The following PIAS1 variants were observed in gnomAD, a reference collection of about 807,000 sequenced individuals.
PIAS1 encodes E3 SUMO-protein ligase PIAS1.
In PIAS1, 6 loss-of-function variants were observed where a neutral mutation model predicts 71.3. The observed-to-expected ratio is 0.08, with a 90% confidence interval of 0.05 to 0.17. The LOEUF is 0.17. Among genes scored for constraint, PIAS1 ranks in the 10% least tolerant of loss-of-function variants. The pLI, the probability that PIAS1 is intolerant of heterozygous loss-of-function variation, is 1.00. For synonymous variants in PIAS1, 303 were observed against 292.9 expected, an observed-to-expected ratio of 1.03 and a Z score of -0.35; for missense variants, 555 against 793.6, an observed-to-expected ratio of 0.70 and a Z score of 3.61.
chr15:68,137,106 C>T (rs566353518), intron 2 of PIAS1, among the ~76,000 whole-genome samples: 1 of 152,270 alleles, frequency 6.6e-6, no homozygotes, highest in African/African-American at 2.4e-5. Context: ...TTGAAAAGCA[C>T]TCTTGCGATG....
chr15:68,088,760 G>A (rs1044342377), intron 2 of PIAS1, among the ~76,000 whole-genome samples: 2 of 151,936 alleles, frequency 1.3e-5, no homozygotes, highest in African/African-American at 4.8e-5. Context: ...ATATTTTAAG[G>A]CTCTGTTTTT....
At position 68,171,368 on chromosome 15, in the gene PIAS1, A is replaced by G. The variant is rs140135066; in HGVS notation, c.1009-2364A>G. Among the ~76,000 whole-genome samples, 42 of 152,054 alleles carry G rather than the reference A, an allele frequency of 2.8e-4. 1 individual carries two copies. In the East Asian group the frequency reaches 3.5e-3, roughly 13 times the overall value. On this transcript the variant is annotated intron_variant, in intron 8 of 13. Coordinates refer to ENST00000249636, the MANE Select transcript of PIAS1 (RefSeq NM_016166.3). This position sits in a 1 kb window ranked among gnomAD's most constrained non-coding sequence, Gnocchi z 4.4. ...TAAAATATATATAAGTAAAGGGAGT[A>G]CACTCCAAAATAATGATAAAAAGTA...
At chr15:68,184,790 C>T (rs991692624) in intron 13 of PIAS1, 3 of 153,272 alleles carry the variant, frequency 2.0e-5, no homozygotes, top group Admixed American at 1.3e-4. Flanking sequence ...TGCTAGATTT[C>T]AAGGCTTTTA....
At position 68,176,643 on chromosome 15, in the gene PIAS1, AAAT is replaced by A. The variant is rs1388231803; in HGVS notation, c.1476_1478del (p.Asn492del). 12 of 1,586,306 alleles carry A rather than the reference AAAT, an allele frequency of 7.6e-6. No homozygotes were observed. Among genetic ancestry groups the A allele is most frequent in the East Asian group, 2.3e-5 (1 of 43,936 alleles). ...CTTCCCTATCTCCCACATCACCACT[AAAT>A]AATAAAGGGTAAGTGCTGAGACATT... On this transcript the variant is annotated inframe_deletion, in exon 11 of 14. Coordinates refer to ENST00000249636, the MANE Select transcript of PIAS1 (RefSeq NM_016166.3).
At position 68,097,684 on chromosome 15, in the gene PIAS1, C is replaced by T. The variant is rs557108068; in HGVS notation, c.469+10934C>T. ...CTGAGCTCAGGTGATCTACCTGCCT[C>T]GGCCTCCCAAAGTGCTGGGATTACA... On this transcript the variant is annotated intron_variant, in intron 2 of 13. Transcript: ENST00000249636. Among the ~76,000 whole-genome samples the T allele has an allele frequency of 1.2e-4, 18 of 152,246 alleles. No homozygotes were observed. The South Asian group carries it at 1.9e-3, about 16-fold the overall frequency.
intron 7 of PIAS1, among the ~76,000 whole-genome samples, chr15:68,154,618 G>C (rs531429058): frequency 6.6e-6 from 1 of 152,296 alleles, no homozygotes; most frequent in South Asian, 2.1e-4. Context: ...CTGTGGCAGA[G>C]TAAAAGATCC....
chr15:68,138,620 G>A (rs1446634392), intron 2 of PIAS1, among the ~76,000 whole-genome samples: 7 of 152,178 alleles, frequency 4.6e-5, no homozygotes, highest in Admixed American at 6.5e-5. Context: ...GATTACAGGC[G>A]CATGCCACCA....
At chr15:68,184,360 C>T (rs1036139052) in intron 13 of PIAS1, 1 of 152,108 alleles carries the variant, frequency 6.6e-6, no homozygotes, top group Non-Finnish European at 1.5e-5. Context: ...TTGTTCAAGG[C>T]AACAAGACTA....
At chr15:68,079,671 G>A (rs1359367184) in intron 1 of PIAS1, among the ~76,000 whole-genome samples, 1 of 151,472 alleles carries the variant, frequency 6.6e-6, no homozygotes, top group Non-Finnish European at 1.5e-5. Context: ...TAGAGATGAG[G>A]TATTGCTGTA....
chr15:68,082,374 A>G (rs1005173469), intron 1 of PIAS1, among the ~76,000 whole-genome samples: 3 of 152,150 alleles, frequency 2.0e-5, no homozygotes, highest in South Asian at 2.1e-4. Context: ...TGGAGAGCCT[A>G]CAGTCCAAAT....
chr15:68,133,655 A>C (rs1290847676), intron 2 of PIAS1, among the ~76,000 whole-genome samples: 2 of 152,118 alleles, frequency 1.3e-5, no homozygotes. Flanking sequence ...ACAGTAAGCA[A>C]TTTGGAGTAC....
chr15:68,090,512 A>G (rs1354970150), intron 2 of PIAS1, among the ~76,000 whole-genome samples: 1 of 150,382 alleles, frequency 6.6e-6, no homozygotes, highest in African/African-American at 2.4e-5. Context: ...AAATCCCTAT[A>G]ATAGCTAGAT....
At chr15:68,117,557 C>T (rs981066902) in intron 2 of PIAS1, among the ~76,000 whole-genome samples, 1 of 152,216 alleles carries the variant, frequency 6.6e-6, no homozygotes, top group Non-Finnish European at 1.5e-5. Context: ...CTATTCTATT[C>T]TCTACTTCTG....
At chr15:68,100,424 T>A (rs1448851765) in intron 2 of PIAS1, among the ~76,000 whole-genome samples, 1 of 152,122 alleles carries the variant, frequency 6.6e-6, no homozygotes, top group Non-Finnish European at 1.5e-5. Context: ...CCTCACCCAC[T>A]CTCTCTAGCC....
At chr15:68,127,051 C>G (rs2092655964) in intron 2 of PIAS1, among the ~76,000 whole-genome samples, 1 of 152,098 alleles carries the variant, frequency 6.6e-6, no homozygotes, top group African/African-American at 2.4e-5. Flanking sequence ...CTGCCTCAGG[C>G]TCCCGAGTAG....
intron 7 of PIAS1, among the ~76,000 whole-genome samples, chr15:68,159,645 G>A (rs2092911801): frequency 6.6e-6 from 1 of 152,010 alleles, no homozygotes. Flanking sequence ...GTTCTTTATT[G>A]CTGCGTAGTA....
intron 2 of PIAS1, among the ~76,000 whole-genome samples, chr15:68,115,428 T>C (rs965323010): frequency 3.3e-5 from 5 of 152,168 alleles, no homozygotes; most frequent in Non-Finnish European, 7.4e-5. Context: ...TTCACCTTGC[T>C]AAATTCGATT....
intron 7 of PIAS1, among the ~76,000 whole-genome samples, chr15:68,154,976 A>C (rs1051073764): frequency 5.3e-5 from 8 of 152,198 alleles, no homozygotes; most frequent in African/African-American, 1.9e-4. Context: ...GCCTCACAAT[A>C]CTAGAATCTC....
At chr15:68,148,795 G>A (rs749060078) in intron 6 of PIAS1, among the ~76,000 whole-genome samples, 31 of 152,184 alleles carry the variant, frequency 2.0e-4, no homozygotes, top group Non-Finnish European at 4.1e-4. Context: ...ACTCCTTGGA[G>A]TGGTAAATAG....
Sources: allele counts gnomAD v4.1 joint callset (sites outside exome capture counted in the v4.1 genomes callset), GRCh38; gene constraint gnomAD v4.1.1; non-coding constraint Gnocchi (gnomAD v3.1); transcripts MANE v1.5; gene names NCBI Gene and HGNC (gene_info 2026-07-23, HGNC 2026-07-21).